The following EXOC6B variants were observed in gnomAD, a reference collection of about 807,000 sequenced individuals.
EXOC6B encodes the protein SEC15 homolog B.
In EXOC6B, 54 loss-of-function variants were observed where a neutral mutation model predicts 113.5. The observed-to-expected ratio is 0.48, with a 90% CI of 0.38 to 0.60. The LOEUF (loss-of-function observed/expected upper bound fraction) is 0.60, where lower values mean the gene tolerates loss of function less well. Among genes scored for constraint, EXOC6B ranks in the 20% least tolerant of loss-of-function variants. The probability of loss-of-function intolerance (pLI) is 0.00; values close to 1 mark genes in which losing one functional copy is unlikely to be tolerated. For synonymous variants in EXOC6B, 357 were observed against 339.0 expected, an observed-to-expected ratio of 1.05 and a Z score of -0.58; for missense variants, 797 against 977.5, an observed-to-expected ratio of 0.82 and a Z score of 2.46.
intron 6 of EXOC6B, among the ~76,000 whole-genome samples, chr2:72,585,347 C>T (rs1382898131): frequency 6.6e-6 from 1 of 152,138 alleles, no homozygotes; most frequent in African/African-American, 2.4e-5. Flanking sequence ...CCTGTAATCC[C>T]AGCATTTTGG....
chr2:72,206,673 A>C (rs1679858770), intron 20 of EXOC6B, among the ~76,000 whole-genome samples: 1 of 152,202 alleles, frequency 6.6e-6, no homozygotes, highest in African/African-American at 2.4e-5. Flanking sequence ...GAACCTCAAC[A>C]TACTGTGACT....
At chr2:72,498,767 G>A (rs1365021871) in intron 12 of EXOC6B, among the ~76,000 whole-genome samples, 1 of 151,854 alleles carries the variant, frequency 6.6e-6, no homozygotes, top group African/African-American at 2.4e-5. Flanking sequence ...AAATGTTTAA[G>A]CCAGTGAGAA....
chr2:72,642,262 A>G (rs1323558010), intron 6 of EXOC6B, among the ~76,000 whole-genome samples: 1 of 148,202 alleles, frequency 6.7e-6, no homozygotes. Context: ...GGAAAAAACT[A>G]CTTTAAAGTT....
Position 72,718,220 on chromosome 2 carries a change from C to T in EXOC6B, c.552G>A (p.Val184=), listed in dbSNP as rs536869722. 200 of 1,613,814 alleles carry T rather than the reference C, an allele frequency of 1.2e-4. 2 individuals carry two copies. In the South Asian group the frequency reaches 2.1e-3, roughly 17 times the overall value. Residue 184 remains valine, a synonymous_variant, in exon 6 of 22, where the codon GTG becomes GTA. Coordinates refer to ENST00000272427, the MANE Select transcript of EXOC6B (RefSeq NM_015189.3). ...CTTCTCGAAGCTTGGGGATGTTGTC[C>T]ACCATCACCTTGCAGAATCGATAGT... ...VSHYRFCKVM[V]DNIPKLREEI...
chr2:72,461,294 C>A (rs1433978036), intron 18 of EXOC6B, among the ~76,000 whole-genome samples: 1 of 149,484 alleles, frequency 6.7e-6, no homozygotes, highest in African/African-American at 2.5e-5. Flanking sequence ...ACCAGCACGG[C>A]ACATGTATAC....
chr2:72,584,331 A>G (rs1211351175), intron 6 of EXOC6B, among the ~76,000 whole-genome samples: 1 of 152,182 alleles, frequency 6.6e-6, no homozygotes, highest in Non-Finnish European at 1.5e-5. Flanking sequence ...GCACAAATAG[A>G]AAACAAAACA....
intron 6 of EXOC6B, among the ~76,000 whole-genome samples, chr2:72,708,246 A>G (rs1380209976): frequency 6.6e-6 from 1 of 152,222 alleles, no homozygotes; most frequent in Non-Finnish European, 1.5e-5. Flanking sequence ...ACATGGAAAA[A>G]TAGCAATGAC....
intron 18 of EXOC6B, among the ~76,000 whole-genome samples, chr2:72,406,198 T>A (rs1323184563): frequency 6.6e-6 from 1 of 152,156 alleles, no homozygotes; most frequent in African/African-American, 2.4e-5. Context: ...CCCAGATTCA[T>A]AAAGCAAGTC....
At chr2:72,533,656 T>C (rs1198977710) in intron 8 of EXOC6B, among the ~76,000 whole-genome samples, 1 of 152,198 alleles carries the variant, frequency 6.6e-6, no homozygotes, top group East Asian at 1.9e-4. Flanking sequence ...TATTAGAAGG[T>C]AGGGCATGAC....
At chr2:72,571,190 T>C (rs913013897) in intron 7 of EXOC6B, among the ~76,000 whole-genome samples, 4 of 152,212 alleles carry the variant, frequency 2.6e-5, no homozygotes, top group Admixed American at 2.6e-4. Flanking sequence ...GAGAAGAACA[T>C]TAACACCTGC....
In EXOC6B at chr2:72,401,966, T is replaced by A. The variant is rs549256134; in HGVS notation, c.1981-22096A>T. Reference sequence around the variant, plus strand: ...GAGATTGCTGACATAAGATTTTTTTTAAAATCCTTCAAAAATGAAGAAAAA... The same window carrying A: ...GAGATTGCTGACATAAGATTTTTTTAAAAATCCTTCAAAAATGAAGAAAAA... On this transcript the variant is annotated intron_variant, in intron 18 of 21. Transcript: ENST00000272427. 9.9e-5 allele frequency among the ~76,000 whole-genome samples: 15 copies of A among 151,762 alleles called. No individual in the cohort carries two copies. In the East Asian group the frequency reaches 1.4e-3, roughly 14 times the overall value.
chr2:72,438,169 A>C (rs557587363), intron 18 of EXOC6B, among the ~76,000 whole-genome samples: 158 of 152,340 alleles, frequency 1.0e-3, no homozygotes, highest in African/African-American at 3.7e-3. Flanking sequence ...AATGCAAAGG[A>C]AACAATTAAA....
At chr2:72,777,839 T>C (rs1415672261) in intron 1 of EXOC6B, among the ~76,000 whole-genome samples, 1 of 152,102 alleles carries the variant, frequency 6.6e-6, no homozygotes, top group Non-Finnish European at 1.5e-5. Flanking sequence ...AACAAAGATT[T>C]TGTATACTAT....
chr2:72,448,022 C>T (rs185798866), intron 18 of EXOC6B, among the ~76,000 whole-genome samples: 14 of 152,244 alleles, frequency 9.2e-5, no homozygotes, highest in Admixed American at 7.2e-4. Flanking sequence ...AGTAACTTCC[C>T]GTATTCATTT....
rs368656145 is a variant in EXOC6B at position 72,456,700 on chromosome 2, G to T, written c.1980+8460C>A. On this transcript the variant is annotated intron_variant, in intron 18 of 21. Coordinates refer to ENST00000272427, the MANE Select transcript of EXOC6B (RefSeq NM_015189.3). ...TAATATTAATACTTATCTGATGGGG[G>T]TATTTTGAGTCCTCATCAACTGGGA... Among the ~76,000 whole-genome samples the T allele has an allele frequency of 2.6e-4, 39 of 152,160 alleles. No homozygotes were observed. The East Asian group carries it at 6.6e-3, about 26-fold the overall frequency.
At chr2:72,192,730 C>A (rs1203456918) in intron 20 of EXOC6B, among the ~76,000 whole-genome samples, 2 of 152,192 alleles carry the variant, frequency 1.3e-5, no homozygotes, top group Non-Finnish European at 2.9e-5. Flanking sequence ...ATTTTCTTTA[C>A]ATGCATGTTT....
chr2:72,642,125 T>C lies in EXOC6B; in HGVS notation c.670-66457A>G, dbSNP rs981223553. Reference sequence around the variant, plus strand: ...CCAAAGGTAGATAAAACCACAAAGATGGGGAGAAATGAGAGCAGAGCATGG... The same window carrying C: ...CCAAAGGTAGATAAAACCACAAAGACGGGGAGAAATGAGAGCAGAGCATGG... On this transcript the variant is annotated intron_variant, in intron 6 of 21. Coordinates refer to ENST00000272427, the MANE Select transcript of EXOC6B (RefSeq NM_015189.3). Among the ~76,000 whole-genome samples, 7 of 152,000 alleles carry C rather than the reference T, an allele frequency of 4.6e-5. 1 individual carries two copies. Among genetic ancestry groups the C allele is most frequent in the African/African-American group, 1.7e-4 (7 of 41,358 alleles).
rs539067531 is a variant in EXOC6B, at chr2:72,729,041, C to T, written c.464+1966G>A. Among the ~76,000 whole-genome samples the T allele has an allele frequency of 3.5e-4, 53 of 152,180 alleles. No individual in the cohort carries two copies. In the South Asian group the frequency reaches 0.01, roughly 29 times the overall value. ...CCCCAGAACCAAGAGTAATGCCTAG[C>T]GCATAGTAGGTACTCGATTCATCTT... On this transcript the variant is annotated intron_variant, in intron 5 of 21. Coordinates refer to ENST00000272427, the MANE Select transcript of EXOC6B (RefSeq NM_015189.3).
At chr2:72,286,141 T>C (rs1039490014) in intron 20 of EXOC6B, among the ~76,000 whole-genome samples, 2 of 152,192 alleles carry the variant, frequency 1.3e-5, no homozygotes, top group Non-Finnish European at 2.9e-5. Flanking sequence ...TTATACTCCC[T>C]GATATTTTCC....
Sources: allele counts gnomAD v4.1 joint callset (sites outside exome capture counted in the v4.1 genomes callset), GRCh38; gene constraint gnomAD v4.1.1; transcripts MANE v1.5; gene names NCBI Gene and HGNC (gene_info 2026-07-23, HGNC 2026-07-21).